The following PXDC1 variants were observed in gnomAD, a reference collection of about 807,000 sequenced individuals.
The protein encoded by PXDC1 is PX domain-containing protein 1.
Under a neutral mutation model 24.4 loss-of-function variants are expected in PXDC1, and 13 were observed. The ratio of observed to expected loss-of-function variants is 0.53; its 90% CI spans 0.35 to 0.85. The LOEUF is 0.85. Among genes scored for constraint, PXDC1 ranks in the 40% least tolerant of loss-of-function variants. PXDC1 has a pLI of 0.01. For synonymous variants in PXDC1, 162 were observed against 124.9 expected, an observed-to-expected ratio of 1.30 and a Z score of -1.98; for missense variants, 344 against 309.3, an observed-to-expected ratio of 1.11 and a Z score of -0.84.
At chr6:3,738,660 GTCA>G in intron 1 of PXDC1, 1 of 534,858 alleles carries the variant, frequency 1.9e-6, no homozygotes, top group South Asian at 1.9e-5. Context: ...AAGGAAAAAA[GTCA>G]GATCTCTGCC....
chr6:3,727,806 C>CCGAG, intron 3 of PXDC1, 144 bp from the exon 4 acceptor site: 1 of 616,946 alleles, frequency 1.6e-6, no homozygotes, highest in Non-Finnish European at 2.9e-6. Context: ...TGCCGTGCAC[C>CCGAG]CGAGACCCAT....
chr6:3,747,284 A>G (rs1760592173), intron 1 of PXDC1, among the ~76,000 whole-genome samples: 1 of 151,926 alleles, frequency 6.6e-6, no homozygotes, highest in Admixed American at 6.6e-5. Context: ...GCTCTCCCTC[A>G]ATGCACATCA....
rs1760123175 is a variant in PXDC1, at chr6:3,728,546, A to G, written c.467-884T>C. Among the ~76,000 whole-genome samples the G allele has an allele frequency of 6.6e-6, 1 of 152,206 alleles. No individual in the cohort carries two copies. Among genetic ancestry groups the G allele is most frequent in the Non-Finnish European group, 1.5e-5 (1 of 68,038 alleles). The stretch of plus-strand genomic sequence containing the variant: ...GACTTCCTACGTCCATACTGGCTGC[A>G]TGGCATGAGCTAGAGGGTGGAAGTC... On this transcript the variant is annotated intron_variant, in intron 3 of 4. Transcript: ENST00000380283. The surrounding 1 kb of genome is among the most constrained non-coding windows in gnomAD (Gnocchi z 4.0).
intron 1 of PXDC1, among the ~76,000 whole-genome samples, chr6:3,740,985 G>A (rs910869200): frequency 1.3e-5 from 2 of 152,272 alleles, no homozygotes. Flanking sequence ...GGGATGCGAT[G>A]TTCGCTGGCT....
intron 1 of PXDC1, among the ~76,000 whole-genome samples, chr6:3,749,058 G>C (rs925150741): frequency 1.3e-5 from 2 of 152,136 alleles, no homozygotes; most frequent in African/African-American, 4.8e-5. Flanking sequence ...CAAAGAAAGG[G>C]AAAGGACTTC....
chr6:3,737,995 G>A lies in PXDC1; in HGVS notation c.348+62C>T, dbSNP rs572295134. 4.0e-5 allele frequency: 54 copies of A among 1,362,822 alleles called. No homozygotes were observed. Among genetic ancestry groups the A allele is most frequent in the Non-Finnish European group, 4.8e-5 (46 of 958,574 alleles). The allele number at this position is 1,362,822 out of a possible 1,614,324, so 84.4% of individuals were successfully genotyped here. A position where few individuals can be genotyped will look rare whatever the true frequency, so the allele number is the denominator to read the frequency against. On this transcript the variant is annotated intron_variant, in intron 2 of 4. Coordinates refer to ENST00000380283, the MANE Select transcript of PXDC1 (RefSeq NM_183373.4). This position sits in a 1 kb window ranked among gnomAD's most constrained non-coding sequence, Gnocchi z 5.5. The stretch of plus-strand genomic sequence containing the variant: ...CCCTCCGGGGGGATGGACGCCTTTC[G>A]CATTTGGGAGGTGCCAGCACCTCCC...
Position 3,727,739 on chromosome 6 carries a change from T to C in PXDC1, c.467-77A>G, listed in dbSNP as rs995335862. The C allele has an allele frequency of 1.0e-5, 9 of 900,200 alleles. No individual in the cohort carries two copies. In the Admixed American group the frequency reaches 1.4e-4, roughly 14 times the overall value. The allele number at this position is 900,200 out of a possible 1,614,324, so 55.8% of individuals were successfully genotyped here. On this transcript the variant is annotated intron_variant, in intron 3 of 4. Transcript: ENST00000380283. ...TTTTGGAGTTTGGAACTTACTCCCA[T>C]CTCCCTGCTTTCTCCTCCACCTGTT...
Position 3,737,093 on chromosome 6 carries a change from G to A in PXDC1, c.452C>T (p.Pro151Leu). 6.2e-7 allele frequency: 1 copy of A among 1,605,654 alleles called. No homozygotes were observed. Among genetic ancestry groups the A allele is most frequent in the African/African-American group, 1.3e-5 (1 of 74,874 alleles). ...VHKIQPSFQS[P>L]VKISEIMRSN... is the part of the protein sequence containing the mutation. Reference sequence around the variant, plus strand: ...GTGGCTCTTACCTGATATTTTGACTGGACTTTGAAAGCTGGGTTGAATTTT... The same window carrying A: ...GTGGCTCTTACCTGATATTTTGACTAGACTTTGAAAGCTGGGTTGAATTTT... Residue 151 changes from proline to leucine, a missense_variant, in exon 3 of 5, where the codon CCA (proline) becomes CTA (leucine). Transcript: ENST00000380283. The surrounding 1 kb of genome is among the most constrained non-coding windows in gnomAD (Gnocchi z 5.5).
intron 1 of PXDC1, chr6:3,739,028 C>T (rs1366344996): frequency 1.3e-5 from 16 of 1,226,462 alleles, no homozygotes; most frequent in East Asian, 5.8e-5. Context: ...TGGCAAAAAC[C>T]GTGATTACTG....
In PXDC1 at chr6:3,751,566, C is replaced by G. The variant is rs1305182324; in HGVS notation, c.-35G>C. 1.4e-6 allele frequency: 2 copies of G among 1,478,276 alleles called. No individual in the cohort carries two copies. Among genetic ancestry groups the G allele is most frequent in the Non-Finnish European group, 1.8e-6 (2 of 1,118,030 alleles). 91.6% of individuals were successfully genotyped at this position (1,478,276 alleles called of 1,614,324 possible). ...ATGCCCCCGCCAAGGGCTCCCCAGCCCCGCCGCCCGCCCGCCCGCAGGAGG... is the reference window on the plus strand; with the variant it reads ...ATGCCCCCGCCAAGGGCTCCCCAGCGCCGCCGCCCGCCCGCCCGCAGGAGG... On this transcript the variant is annotated 5_prime_UTR_variant, in exon 1 of 5. Coordinates refer to ENST00000380283, the MANE Select transcript of PXDC1 (RefSeq NM_183373.4).
At chr6:3,740,131 T>A (rs181572204) in intron 1 of PXDC1, among the ~76,000 whole-genome samples, 14 of 152,354 alleles carry the variant, frequency 9.2e-5, no homozygotes, top group Middle Eastern at 3.4e-3. Flanking sequence ...ATCCAGCACA[T>A]GTATACCCAT....
intron 3 of PXDC1, among the ~76,000 whole-genome samples, chr6:3,730,814 C>A (rs747124774): frequency 6.6e-6 from 1 of 152,242 alleles, no homozygotes; most frequent in East Asian, 1.9e-4. Flanking sequence ...AGAGCACTAG[C>A]AAGCATGGCG....
intron 3 of PXDC1, among the ~76,000 whole-genome samples, chr6:3,736,455 A>C (rs1444050929): frequency 6.6e-6 from 1 of 152,160 alleles, no homozygotes; most frequent in Non-Finnish European, 1.5e-5. Flanking sequence ...GGGAAAATCC[A>C]GTCCTAGAGA....
intron 1 of PXDC1, among the ~76,000 whole-genome samples, chr6:3,747,795 CA>C (rs1173060402): frequency 6.6e-6 from 1 of 152,184 alleles, no homozygotes; most frequent in Non-Finnish European, 1.5e-5. Context: ...GGATTTCTCC[CA>C]ACCAGAATAT....
At chr6:3,750,724 G>C (rs1453194136) in intron 1 of PXDC1, among the ~76,000 whole-genome samples, 1 of 152,150 alleles carries the variant, frequency 6.6e-6, no homozygotes, top group Non-Finnish European at 1.5e-5. Flanking sequence ...GGCAGCCGCG[G>C]GCGGGGCGGC....
rs181207889 is a variant in PXDC1, at chr6:3,725,859, G to A, written c.578+1692C>T. Among the ~76,000 whole-genome samples the A allele has an allele frequency of 6.6e-5, 10 of 152,298 alleles. No homozygotes were observed. Among genetic ancestry groups the A allele is most frequent in the African/African-American group, 2.4e-4 (10 of 41,576 alleles). On this transcript the variant is annotated intron_variant, in intron 4 of 4. Coordinates refer to ENST00000380283, the MANE Select transcript of PXDC1 (RefSeq NM_183373.4). This position sits in a 1 kb window ranked among gnomAD's most constrained non-coding sequence, Gnocchi z 4.8. ...TCCAGATGCTCCCGAGCCCCATGGC[G>A]GCAGGCGTTTCTTTGTTAGGCTTTT...
chr6:3,736,353 C>T (rs1356639534), intron 3 of PXDC1, among the ~76,000 whole-genome samples: 1 of 152,154 alleles, frequency 6.6e-6, no homozygotes, highest in Non-Finnish European at 1.5e-5. Flanking sequence ...AGCCATGTCT[C>T]CTCTCATGAG....
chr6:3,737,744 GA>G lies in PXDC1; in HGVS notation c.348+312del, dbSNP rs1419209501. On this transcript the variant is annotated intron_variant, in intron 2 of 4. Coordinates refer to ENST00000380283, the MANE Select transcript of PXDC1 (RefSeq NM_183373.4). The surrounding 1 kb of genome is among the most constrained non-coding windows in gnomAD (Gnocchi z 5.5). ...AGACGGTGGATTCTGAGCAGAGGCA[GA>G]AAGCAAAGGCCTCCTGCAGCCAGAG... 1 of 946,870 alleles carries G rather than the reference GA, an allele frequency of 1.1e-6. No homozygotes were observed. The highest frequency in any genetic ancestry group is 1.3e-6 in the Non-Finnish European group (1 of 795,002). 58.7% of individuals were successfully genotyped at this position (946,870 alleles called of 1,614,324 possible).
At chr6:3,747,650 C>T (rs1211145080) in intron 1 of PXDC1, among the ~76,000 whole-genome samples, 3 of 152,238 alleles carry the variant, frequency 2.0e-5, no homozygotes, top group Non-Finnish European at 2.9e-5. Flanking sequence ...CACTTGTCCT[C>T]GATCACCCTG....
Sources: gnomAD v4.1 joint callset for allele counts (sites outside exome capture counted in the v4.1 genomes callset) on GRCh38, gnomAD v4.1.1 for gene constraint, Gnocchi (gnomAD v3.1) non-coding constraint, MANE v1.5 for transcripts, NCBI Gene and HGNC (gene_info 2026-07-23, HGNC 2026-07-21) for gene names.